CCSER1: variants seen among roughly 807,000 people sequenced by gnomAD.
CCSER1 encodes serine-rich coiled-coil domain-containing protein 1.
Under a neutral mutation model 82.0 loss-of-function variants are expected in CCSER1, and 41 were observed. The ratio of observed to expected loss-of-function variants is 0.50; its 90% CI spans 0.39 to 0.65. The LOEUF (loss-of-function observed/expected upper bound fraction) is 0.65, where lower values mean the gene tolerates loss of function less well. CCSER1 is among the 30% of genes least tolerant of loss of function. CCSER1 has a pLI of 0.00. For synonymous variants in CCSER1, 414 were observed against 383.9 expected (o/e 1.08, Z -0.92); for missense variants, 1,119 against 1,064.2 (o/e 1.05, Z -0.72).
intron 4 of CCSER1, among the ~76,000 whole-genome samples, chr4:90,447,174 C>A (rs999705446): frequency 3.3e-5 from 5 of 152,100 alleles, no homozygotes; most frequent in Non-Finnish European, 4.4e-5. Context: ...TTGTTTTCAA[C>A]AGAAAGACTT....
intron 10 of CCSER1, among the ~76,000 whole-genome samples, chr4:91,377,662 T>A (rs1419735029): frequency 6.6e-6 from 1 of 152,352 alleles, no homozygotes; most frequent in East Asian, 1.9e-4. Flanking sequence ...CTTTGTTAGA[T>A]GAGTAGATTG....
chr4:90,632,255 ATCCCAT>A (rs1724588560), intron 6 of CCSER1, among the ~76,000 whole-genome samples: 1 of 152,218 alleles, frequency 6.6e-6, no homozygotes, highest in East Asian at 1.9e-4. Flanking sequence ...AAAATGTTAA[ATCCCAT>A]TAGCTCATTC....
chr4:90,339,103 C>G lies in CCSER1; in HGVS notation c.1509+26056C>G, dbSNP rs565075229. Among the ~76,000 whole-genome samples the G allele has an allele frequency of 2.0e-5, 3 of 152,262 alleles. No individual in the cohort carries two copies. The East Asian group carries it at 5.8e-4, about 29-fold the overall frequency. On this transcript the variant is annotated intron_variant, in intron 3 of 10. Transcript: ENST00000509176. ...GATGATTTTTGGGAAAAATAATTTT[C>G]TTTCTATAGAACTCCAGACTAGTAA... is the stretch of plus-strand genomic sequence containing the variant.
intron 7 of CCSER1, among the ~76,000 whole-genome samples, chr4:90,798,171 C>T (rs957223294): frequency 1.1e-4 from 17 of 151,360 alleles, no homozygotes. Flanking sequence ...TTTGTTTGCT[C>T]ATTTTCATTC....
intron 2 of CCSER1, among the ~76,000 whole-genome samples, chr4:90,312,170 T>G (rs987046665): frequency 3.9e-5 from 6 of 152,140 alleles, no homozygotes; most frequent in Admixed American, 2.0e-4. Context: ...TGCAAGGTTG[T>G]GAGTCAAAGG....
In CCSER1 at chr4:91,338,856, C is replaced by CAAAA. The variant is rs1357158071; in HGVS notation, c.2217+252862_2217+252863insAAAA. Among the ~76,000 whole-genome samples, 45 of 152,018 alleles carry CAAAA rather than the reference C, an allele frequency of 3.0e-4. 1 individual carries two copies. The highest frequency in any genetic ancestry group is 1.5e-4 in the Non-Finnish European group (10 of 67,986). On this transcript the variant is annotated intron_variant, in intron 10 of 10. Coordinates refer to ENST00000509176, the MANE Select transcript of CCSER1 (RefSeq NM_001145065.2). ...TGCCCACATGCTGATGTAGTTTTCTCTTTAAATATATATATTTAAAAGCAC... is the reference window on the plus strand; with the variant it reads ...TGCCCACATGCTGATGTAGTTTTCTCAAAATTTAAATATATATATTTAAAAGCAC...
intron 1 of CCSER1, among the ~76,000 whole-genome samples, chr4:90,187,011 C>A (rs1278912149): frequency 1.3e-5 from 2 of 151,886 alleles, no homozygotes; most frequent in Non-Finnish European, 2.9e-5. Flanking sequence ...TTAATGACTG[C>A]TAATAGATTA....
chr4:90,930,913 TA>T (rs1561380710), intron 9 of CCSER1, among the ~76,000 whole-genome samples: 152 of 82,424 alleles, frequency 1.8e-3, no homozygotes, highest in African/African-American at 7.5e-3. Context: ...CCTTATTTTA[TA>T]TATATATATA....
In CCSER1 at chr4:90,312,938, C is replaced by A. The variant is rs756338013; in HGVS notation, c.1400C>A (p.Thr467Asn). The part of the protein sequence containing the change: ...ERRLRSSSEG[T>N]AGSSRMILKP... ...AGACTGCGATCCTCGTCAGAAGGCA[C>A]TGCAGGGAGTAGCAGAATGATTTTG... Residue 467 changes from threonine to asparagine, a missense_variant, in exon 3 of 11, where the codon ACT (threonine) becomes AAT (asparagine). Coordinates refer to ENST00000509176, the MANE Select transcript of CCSER1 (RefSeq NM_001145065.2). 6.3e-7 allele frequency: 1 copy of A among 1,590,344 alleles called. No homozygotes were observed. Among genetic ancestry groups the A allele is most frequent in the South Asian group, 1.1e-5 (1 of 87,246 alleles).
intron 7 of CCSER1, among the ~76,000 whole-genome samples, chr4:90,772,905 A>C (rs1348884484): frequency 6.6e-6 from 1 of 152,234 alleles, no homozygotes; most frequent in Non-Finnish European, 1.5e-5. Flanking sequence ...GTTGCACACG[A>C]AATGAAATAT....
chr4:91,511,004 A>G (rs1759787993), intron 10 of CCSER1, among the ~76,000 whole-genome samples: 1 of 152,116 alleles, frequency 6.6e-6, no homozygotes, highest in African/African-American at 2.4e-5. Context: ...TAATTTTTGT[A>G]TATGGCGATA....
intron 7 of CCSER1, among the ~76,000 whole-genome samples, chr4:90,791,362 G>T (rs946620602): frequency 1.3e-5 from 2 of 152,046 alleles, no homozygotes; most frequent in Admixed American, 1.3e-4. Context: ...TTTGTGGAAA[G>T]AAGAGTCAAC....
At position 91,602,744 on chromosome 4, in the gene CCSER1, C is replaced by A. The variant is rs778772510; in HGVS notation, c.*3687C>A. ...ACAGATGAAACTAGAAAAGAAAGGG[C>A]AATACATGTGAAGATGATATCTATG... On this transcript the variant is annotated 3_prime_UTR_variant, in exon 11 of 11. Transcript: ENST00000509176. Among the ~76,000 whole-genome samples the A allele has an allele frequency of 1.3e-4, 19 of 151,902 alleles. No homozygotes were observed. The highest frequency in any genetic ancestry group is 2.8e-4 in the Non-Finnish European group (19 of 67,894).
At chr4:91,158,009 C>T (rs1730989667) in intron 10 of CCSER1, among the ~76,000 whole-genome samples, 1 of 151,848 alleles carries the variant, frequency 6.6e-6, no homozygotes, top group Non-Finnish European at 1.5e-5. Flanking sequence ...TCTCAGAAAG[C>T]CAAATTTGGT....
intron 10 of CCSER1, among the ~76,000 whole-genome samples, chr4:91,185,509 C>T (rs1318670237): frequency 6.6e-6 from 1 of 152,192 alleles, no homozygotes; most frequent in Non-Finnish European, 1.5e-5. Flanking sequence ...TTTTGTGCAG[C>T]ATAAATCTAC....
intron 5 of CCSER1, among the ~76,000 whole-genome samples, chr4:90,537,752 C>T (rs1422272219): frequency 6.6e-6 from 1 of 152,022 alleles, no homozygotes; most frequent in African/African-American, 2.4e-5. Context: ...TTTAGTTGTT[C>T]CTTCTTCTTT....
chr4:91,322,323 T>C (rs929192391), intron 10 of CCSER1, among the ~76,000 whole-genome samples: 1 of 152,110 alleles, frequency 6.6e-6, no homozygotes, highest in African/African-American at 2.4e-5. Flanking sequence ...AATTCAATAA[T>C]GTAAACAATT....
At chr4:90,397,327 T>C (rs1752100128) in intron 3 of CCSER1, among the ~76,000 whole-genome samples, 1 of 152,218 alleles carries the variant, frequency 6.6e-6, no homozygotes, top group Non-Finnish European at 1.5e-5. Context: ...GTTGCTGTCT[T>C]ATGTGAAATG....
chr4:91,043,379 A>C (rs1258790356), intron 9 of CCSER1, among the ~76,000 whole-genome samples: 1 of 152,062 alleles, frequency 6.6e-6, no homozygotes, highest in Non-Finnish European at 1.5e-5. Context: ...AGATAATACA[A>C]ATTAAGCAGA....
Sources: allele counts gnomAD v4.1 joint callset (sites outside exome capture counted in the v4.1 genomes callset), GRCh38; gene constraint gnomAD v4.1.1; transcripts MANE v1.5; gene names NCBI Gene and HGNC (gene_info 2026-07-23, HGNC 2026-07-21).